Variants in CDC42SE2 observed in about 807,000 individuals in gnomAD.
CDC42SE2 encodes the protein CDC42 small effector protein 2.
Under a neutral mutation model 11.5 loss-of-function variants are expected in CDC42SE2, and 3 were observed. That is an observed-to-expected ratio of 0.26 (90% CI 0.12 to 0.67). The LOEUF is 0.67. Ranked by LOEUF, CDC42SE2 falls within the 30% of genes least tolerant of loss-of-function variation. CDC42SE2 has a pLI of 0.80. For synonymous variants in CDC42SE2, 33 were observed against 34.8 expected (o/e 0.95, Z 0.18); for missense variants, 82 against 106.8 (o/e 0.77, Z 1.02).
chr5:131,257,729 T>G (rs1756689828), intron 2 of CDC42SE2, among the ~76,000 whole-genome samples: 1 of 152,072 alleles, frequency 6.6e-6, no homozygotes, highest in South Asian at 2.1e-4. Flanking sequence ...CCACCTGCCT[T>G]GGTCTCCCAG....
At chr5:131,303,032 T>A (rs1311514352) in intron 1 of CDC42SE2, among the ~76,000 whole-genome samples, 3 of 152,224 alleles carry the variant, frequency 2.0e-5, no homozygotes, top group African/African-American at 7.2e-5. Flanking sequence ...TGAGTCTTAG[T>A]GTCGCCACTG....
intron 1 of CDC42SE2, among the ~76,000 whole-genome samples, chr5:131,310,864 T>G (rs1757891709): frequency 6.6e-6 from 1 of 152,088 alleles, no homozygotes; most frequent in East Asian, 1.9e-4. Context: ...GTTTCCTGAA[T>G]ACAGCACACT....
chr5:131,363,912 G>A (rs888013958), intron 3 of CDC42SE2, among the ~76,000 whole-genome samples: 1 of 150,784 alleles, frequency 6.6e-6, no homozygotes, highest in African/African-American at 2.4e-5. Context: ...CCAGGCAGAT[G>A]TCGAACTCCT....
At chr5:131,224,727 C>A in the CDC42SE2 span, among the ~76,000 whole-genome samples, 3 of 151,936 alleles carry the variant, frequency 2.0e-5, no homozygotes, top group African/African-American at 7.3e-5. Flanking sequence ...TTACTCAGAA[C>A]GAAAGTCAAA....
At chr5:131,346,066 T>C (rs954885840) in intron 2 of CDC42SE2, among the ~76,000 whole-genome samples, 7 of 152,234 alleles carry the variant, frequency 4.6e-5, no homozygotes, top group African/African-American at 1.2e-4. Context: ...TTATAAAGAC[T>C]ATCAATGCTA....
At chr5:131,268,596 G>A (rs889845489) in intron 1 of CDC42SE2, among the ~76,000 whole-genome samples, 1 of 151,688 alleles carries the variant, frequency 6.6e-6, no homozygotes. Context: ...GGGATTACAG[G>A]CATGCACCAC....
rs115386601 is a variant in CDC42SE2 at position 131,336,918 on chromosome 5, T to A, written c.-286+20774T>A. On this transcript the variant is annotated intron_variant, in intron 2 of 4. Transcript: ENST00000505065. The stretch of plus-strand genomic sequence containing the variant: ...AACTTCCTTGCCATTCGTTCGAACT[T>A]CCTCCGTTAGCACAGAGTAGTTTGA... Among the ~76,000 whole-genome samples the A allele has an allele frequency of 9.7e-3, 1,483 of 152,334 alleles. 25 individuals are homozygous for A. Among genetic ancestry groups the A allele is most frequent in the African/African-American group, 0.034 (1,400 of 41,574 alleles).
the CDC42SE2 span, among the ~76,000 whole-genome samples, chr5:131,217,965 A>T: frequency 3.9e-5 from 6 of 152,114 alleles, no homozygotes; most frequent in Non-Finnish European, 7.4e-5. Flanking sequence ...GCTTAAGCTG[A>T]GGAGTTGGAG....
At chr5:131,283,524 G>A (rs1467639436) in intron 1 of CDC42SE2, among the ~76,000 whole-genome samples, 16 of 149,110 alleles carry the variant, frequency 1.1e-4, no homozygotes, top group Middle Eastern at 3.4e-3. Flanking sequence ...ATGGAGTTTC[G>A]CTCTTGTTAT....
chr5:131,217,664 A>C, the CDC42SE2 span, among the ~76,000 whole-genome samples: 1 of 152,196 alleles, frequency 6.6e-6, no homozygotes, highest in Non-Finnish European at 1.5e-5. Context: ...TGGGGTAGGC[A>C]AAGAGTTCCC....
At chr5:131,377,631 C>T (rs977076839) in intron 3 of CDC42SE2, among the ~76,000 whole-genome samples, 7 of 152,134 alleles carry the variant, frequency 4.6e-5, no homozygotes, top group Non-Finnish European at 8.8e-5. Context: ...AGCTCAGAAA[C>T]CTGTATTTTA....
intron 3 of CDC42SE2, among the ~76,000 whole-genome samples, chr5:131,380,561 G>T (rs1156799344): frequency 6.6e-6 from 1 of 152,142 alleles, no homozygotes; most frequent in Non-Finnish European, 1.5e-5. Context: ...TTTAAATCCA[G>T]GTTTTTGATA....
intron 1 of CDC42SE2, among the ~76,000 whole-genome samples, chr5:131,282,621 A>G (rs1052410037): frequency 2.6e-5 from 4 of 152,012 alleles, no homozygotes; most frequent in Non-Finnish European, 5.9e-5. Context: ...CACATAAAAA[A>G]TCACCTTTTT....
At position 131,350,604 on chromosome 5, in the gene CDC42SE2, A is replaced by ATTTT. The variant is rs200704190; in HGVS notation, c.-285-8604_-285-8601dup. 2.2e-3 allele frequency among the ~76,000 whole-genome samples: 302 copies of ATTTT among 139,928 alleles called. 2 individuals carry two copies. The highest frequency in any genetic ancestry group is 8.2e-3 in the African/African-American group (283 of 34,680). The allele number at this position is 139,928 out of a possible 152,430, so 91.8% of individuals were successfully genotyped here. On this transcript the variant is annotated intron_variant, in intron 2 of 4. Coordinates refer to ENST00000505065, the MANE Select transcript of CDC42SE2 (RefSeq NM_001375635.1). ...AGTTAAAAGTGATACAACAAAATTTATTTTGTGTGTGTGTGTGTGTGTGTG... is the reference window on the plus strand; with the variant it reads ...AGTTAAAAGTGATACAACAAAATTTATTTTTTTTGTGTGTGTGTGTGTGTGTGTG...
the CDC42SE2 span, among the ~76,000 whole-genome samples, chr5:131,214,533 TA>T: frequency 6.6e-6 from 1 of 152,144 alleles, no homozygotes; most frequent in African/African-American, 2.4e-5. Flanking sequence ...AATGGAACAG[TA>T]AAAAATCTAC....
At chr5:131,374,613 GA>G (rs1403164041) in intron 3 of CDC42SE2, among the ~76,000 whole-genome samples, 3 of 150,034 alleles carry the variant, frequency 2.0e-5, no homozygotes, top group Admixed American at 6.6e-5. Context: ...AAGCAAGCCA[GA>G]AGCAATTCCA....
At chr5:131,310,854 G>A (rs2149724137) in intron 1 of CDC42SE2, among the ~76,000 whole-genome samples, 1 of 151,980 alleles carries the variant, frequency 6.6e-6, no homozygotes, top group East Asian at 1.9e-4. Flanking sequence ...CGTGAGATGG[G>A]TTTCCTGAAT....
intron 1 of CDC42SE2, among the ~76,000 whole-genome samples, chr5:131,250,536 G>C (rs1356192576): frequency 6.6e-6 from 1 of 152,166 alleles, no homozygotes; most frequent in African/African-American, 2.4e-5. Flanking sequence ...TGTGGAGACA[G>C]TAAAAAGATC....
intron 1 of CDC42SE2, among the ~76,000 whole-genome samples, chr5:131,308,421 G>A (rs934487260): frequency 3.3e-5 from 5 of 152,006 alleles, no homozygotes; most frequent in Non-Finnish European, 5.9e-5. Context: ...TTGACTTGGT[G>A]ATGCAGGCTC....
Sources: gnomAD v4.1 joint callset for allele counts (sites outside exome capture counted in the v4.1 genomes callset) on GRCh38, gnomAD v4.1.1 for gene constraint, MANE v1.5 for transcripts, NCBI Gene and HGNC (gene_info 2026-07-23, HGNC 2026-07-21) for gene names.